Variants in CNTNAP2 observed in about 807,000 individuals in gnomAD.
CNTNAP2 encodes contactin-associated protein-like 2.
Under a neutral mutation model 155.2 loss-of-function variants are expected in CNTNAP2, and 98 were observed. That is an observed-to-expected ratio of 0.63 (90% CI 0.54 to 0.75). CNTNAP2 has a LOEUF of 0.75. Ranked by LOEUF, CNTNAP2 falls within the 30% of genes least tolerant of loss-of-function variation. CNTNAP2 has a pLI of 0.00. For synonymous variants in CNTNAP2, 651 were observed against 631.2 expected, an observed-to-expected ratio of 1.03 and a Z score of -0.47; for missense variants, 1,727 against 1,688.1, an observed-to-expected ratio of 1.02 and a Z score of -0.40.
chr7:146,964,982 C>CA (rs1476388182), intron 3 of CNTNAP2, among the ~76,000 whole-genome samples: 1 of 150,546 alleles, frequency 6.6e-6, no homozygotes, highest in Non-Finnish European at 1.5e-5. Flanking sequence ...CAAAACAAAA[C>CA]AAAAAACAGT....
At chr7:146,495,839 G>A (rs540309235) in intron 1 of CNTNAP2, among the ~76,000 whole-genome samples, 3 of 152,206 alleles carry the variant, frequency 2.0e-5, no homozygotes, top group African/African-American at 7.2e-5. Flanking sequence ...GGTACAAGTG[G>A]TAAGGCCAAA....
intron 12 of CNTNAP2, among the ~76,000 whole-genome samples, chr7:147,602,709 A>C (rs1298583407): frequency 6.7e-6 from 1 of 149,184 alleles, no homozygotes; most frequent in Non-Finnish European, 1.5e-5. Context: ...CTCATTGTTC[A>C]ATTCCCACCT....
intron 13 of CNTNAP2, among the ~76,000 whole-genome samples, chr7:147,812,114 TG>T (rs796381296): frequency 1.3e-5 from 2 of 152,102 alleles, no homozygotes; most frequent in African/African-American, 4.8e-5. Flanking sequence ...ATGAGAGAGT[TG>T]GAAGAGGTGC....
At chr7:148,045,019 G>A (rs1174859708) in intron 15 of CNTNAP2, among the ~76,000 whole-genome samples, 1 of 152,176 alleles carries the variant, frequency 6.6e-6, no homozygotes, top group African/African-American at 2.4e-5. Context: ...TTCCTACCAA[G>A]AGAATCACTC....
At chr7:148,231,951 G>A (rs147459910) in intron 20 of CNTNAP2, among the ~76,000 whole-genome samples, 6 of 152,180 alleles carry the variant, frequency 3.9e-5, no homozygotes, top group Non-Finnish European at 8.8e-5. Flanking sequence ...AGAAAAACCT[G>A]GGAAGTGCTT....
At position 146,294,920 on chromosome 7, in the gene CNTNAP2, A is replaced by G. The variant is rs548790647; in HGVS notation, c.97+177947A>G. ...AAAAGAATTTATAACTGAAACTTCCATTAGAGATTATATGCTTTTTATTTA... is the reference window on the plus strand; with the variant it reads ...AAAAGAATTTATAACTGAAACTTCCGTTAGAGATTATATGCTTTTTATTTA... On this transcript the variant is annotated intron_variant, in intron 1 of 23. Coordinates refer to ENST00000361727, the MANE Select transcript of CNTNAP2 (RefSeq NM_014141.6). 2.8e-4 allele frequency among the ~76,000 whole-genome samples: 42 copies of G among 152,316 alleles called. No individual in the cohort carries two copies. In the South Asian group the frequency reaches 8.7e-3, roughly 32 times the overall value.
At chr7:147,527,277 C>T (rs1451155125) in intron 11 of CNTNAP2, among the ~76,000 whole-genome samples, 1 of 152,032 alleles carries the variant, frequency 6.6e-6, no homozygotes, top group Non-Finnish European at 1.5e-5. Context: ...CCCACCTCGG[C>T]CTCCCACAGT....
chr7:147,915,642 A>G (rs530982627), intron 14 of CNTNAP2, among the ~76,000 whole-genome samples: 1 of 151,088 alleles, frequency 6.6e-6, no homozygotes, highest in Non-Finnish European at 1.5e-5. Context: ...TGCCCTCCTG[A>G]TCTCATGAAG....
At chr7:146,279,429 A>ACACAC (rs1800214218) in intron 1 of CNTNAP2, among the ~76,000 whole-genome samples, 1 of 144,612 alleles carries the variant, frequency 6.9e-6, no homozygotes, top group African/African-American at 2.5e-5. Context: ...CATTTCCTTA[A>ACACAC]ACACACACAC....
At chr7:146,838,187 T>C (rs1265144254) in intron 2 of CNTNAP2, among the ~76,000 whole-genome samples, 1 of 152,238 alleles carries the variant, frequency 6.6e-6, no homozygotes, top group African/African-American at 2.4e-5. Context: ...CCATATGCCA[T>C]GATCCAGAAA....
At chr7:147,673,079 G>A (rs956075230) in intron 13 of CNTNAP2, 2 of 151,978 alleles carry the variant, frequency 1.3e-5, no homozygotes, top group Non-Finnish European at 2.9e-5. Flanking sequence ...TCCTATTCCA[G>A]ACTACAAATC....
At chr7:147,011,259 CA>C (rs1584781930) in intron 3 of CNTNAP2, among the ~76,000 whole-genome samples, 1 of 151,452 alleles carries the variant, frequency 6.6e-6, no homozygotes, top group East Asian at 1.9e-4. Context: ...ACTAAAAATA[CA>C]AAAATTAGCT....
chr7:148,035,449 C>T (rs927982917), intron 15 of CNTNAP2, among the ~76,000 whole-genome samples: 3 of 152,172 alleles, frequency 2.0e-5, no homozygotes, highest in African/African-American at 7.2e-5. Context: ...TCCAGTGTAG[C>T]AGTCCTCGAC....
intron 20 of CNTNAP2, among the ~76,000 whole-genome samples, chr7:148,234,181 C>T (rs1039685435): frequency 2.0e-5 from 3 of 152,178 alleles, no homozygotes; most frequent in African/African-American, 7.2e-5. Context: ...AAGTAAGATG[C>T]AACCTGCCCA....
At chr7:146,587,233 A>C (rs1325707223) in intron 1 of CNTNAP2, among the ~76,000 whole-genome samples, 1 of 152,066 alleles carries the variant, frequency 6.6e-6, no homozygotes, top group Non-Finnish European at 1.5e-5. Context: ...CTGCCTTTTT[A>C]TTAGCACCTA....
chr7:147,853,833 T>G (rs1301960640), intron 13 of CNTNAP2, among the ~76,000 whole-genome samples: 1 of 152,226 alleles, frequency 6.6e-6, no homozygotes, highest in African/African-American at 2.4e-5. Flanking sequence ...AGTGCTTTGT[T>G]AAGACTCAAA....
intron 1 of CNTNAP2, among the ~76,000 whole-genome samples, chr7:146,580,789 T>G (rs1272812454): frequency 6.6e-6 from 1 of 152,126 alleles, no homozygotes. Flanking sequence ...GGATATTTTG[T>G]ACGTTTTCAT....
chr7:148,301,364 T>TAA (rs5888317), intron 21 of CNTNAP2, among the ~76,000 whole-genome samples: 67 of 135,734 alleles, frequency 4.9e-4, no homozygotes, highest in South Asian at 1.4e-3. Context: ...TTTTACTGCA[T>TAA]AAAAAAAAAA....
At chr7:146,825,370 G>C (rs974997061) in intron 2 of CNTNAP2, among the ~76,000 whole-genome samples, 1 of 152,120 alleles carries the variant, frequency 6.6e-6, no homozygotes, top group South Asian at 2.1e-4. Flanking sequence ...TGCCATCCAG[G>C]AACTAGGGTT....
Sources: gnomAD v4.1 joint callset for allele counts (sites outside exome capture counted in the v4.1 genomes callset) on GRCh38, gnomAD v4.1.1 for gene constraint, MANE v1.5 for transcripts, NCBI Gene and HGNC (gene_info 2026-07-23, HGNC 2026-07-21) for gene names.